Variants in TNS2 observed in about 807,000 individuals in gnomAD.
TNS2 encodes the protein tensin-2.
Under a neutral mutation model 155.7 loss-of-function variants are expected in TNS2, and 77 were observed. The ratio of observed to expected loss-of-function variants is 0.49; its 90% confidence interval spans 0.41 to 0.60. TNS2 has a LOEUF of 0.60. Among genes scored for constraint, TNS2 ranks in the 20% least tolerant of loss-of-function variants. TNS2 has a pLI of 0.00. For missense variants in TNS2, 1,703 were observed against 1,868.8 expected (o/e 0.91, Z 1.64); for synonymous variants, 726 against 763.9 (o/e 0.95, Z 0.82).
chr12:53,063,683 G>C lies in TNS2; in HGVS notation c.4092-61G>C. The C allele has an allele frequency of 1.2e-6, 2 of 1,614,036 alleles. No individual in the cohort carries two copies. The highest frequency in any genetic ancestry group is 1.7e-6 in the Non-Finnish European group (2 of 1,179,976). On this transcript the variant is annotated intron_variant, in intron 28 of 28. Transcript: ENST00000314250. The surrounding 1 kb of genome is among the most constrained non-coding windows in gnomAD (Gnocchi z 5.6). ...CTGGCATTTGATTTGTCTCACCAAG[G>C]CCAGCTACATTCCCTTGTGGAAGGA...
In TNS2 at chr12:53,058,709, C is replaced by A. The variant is rs777761730; in HGVS notation, c.1292-5C>A. ...GCTCCCCAATACCCGAGTGGCCTTCCACAGGCAGCACTCCACGGAACGACC... is the reference window on the plus strand; with the variant it reads ...GCTCCCCAATACCCGAGTGGCCTTCAACAGGCAGCACTCCACGGAACGACC... On this transcript the variant is annotated splice_polypyrimidine_tract_variant and splice_region_variant and intron_variant, in intron 16 of 28. Coordinates refer to ENST00000314250, the MANE Select transcript of TNS2 (RefSeq NM_170754.4). 15 of 1,614,014 alleles carry A rather than the reference C, an allele frequency of 9.3e-6. No individual in the cohort carries two copies. Among genetic ancestry groups the A allele is most frequent in the Non-Finnish European group, 1.2e-5 (14 of 1,179,988 alleles).
chr12:53,063,819 A>G lies in TNS2; in HGVS notation c.4167A>G (p.Pro1389=), dbSNP rs1944462784. The G allele has an allele frequency of 6.2e-7, 1 of 1,614,174 alleles. No individual in the cohort carries two copies. The highest frequency in any genetic ancestry group is 8.5e-7 in the Non-Finnish European group (1 of 1,180,024). The stretch of plus-strand genomic sequence containing the variant: ...GTCACCTCTTTGCAGAGCTTGACCC[A>G]GATCAGCCTGCTGGCGCCATTGTCA... The part of the protein sequence containing the change: ...NVCHLFAELD[P]DQPAGAIVTF... The change falls in exon 29 of 29, where the codon CCA becomes CCG. Residue 1389 remains proline, a synonymous_variant. Transcript: ENST00000314250. This position sits in a 1 kb window ranked among gnomAD's most constrained non-coding sequence, Gnocchi z 5.6.
intron 1 of TNS2, 60 bp from the exon 2 acceptor site, chr12:53,051,795 C>G: frequency 7.4e-7 from 1 of 1,342,546 alleles, no homozygotes. Context: ...CCTGCCCAGT[C>G]CCGGAGATGG....
At chr12:53,054,239 C>T in intron 6 of TNS2, 31 bp from the exon 7 acceptor site, 2 of 1,609,812 alleles carry the variant, frequency 1.2e-6, no homozygotes, top group Non-Finnish European at 1.7e-6. Flanking sequence ...TGCCCCGCCC[C>T]TGCGTTCATG....
At chr12:53,048,126 T>C (rs1943794340), upstream of TNS2, among the ~76,000 whole-genome samples, 1 of 152,162 alleles carries the variant, frequency 6.6e-6, no homozygotes, top group African/African-American at 2.4e-5. Context: ...TCAAGTGAGC[T>C]ACTTTTCCCC....
chr12:53,047,149 G>C (rs1943745746), upstream of TNS2: 1 of 148,102 alleles, frequency 6.8e-6, no homozygotes, highest in African/African-American at 2.5e-5. Flanking sequence ...GGAGCCGGGA[G>C]GGAGGAGGAG....
chr12:53,063,757 G>A lies in TNS2; in HGVS notation c.4105G>A (p.Val1369Met), dbSNP rs373363715. 3.5e-5 allele frequency: 57 copies of A among 1,613,972 alleles called. No individual in the cohort carries two copies. Among genetic ancestry groups the A allele is most frequent in the East Asian group, 8.9e-5 (4 of 44,894 alleles). Reference sequence around the variant, plus strand: ...TTATCCCCCTAGGATCTTTGGTTTCGTGGCCAAGAAGCCGGGAAGCCCCTG... The same window carrying A: ...TTATCCCCCTAGGATCTTTGGTTTCATGGCCAAGAAGCCGGGAAGCCCCTG... ...DGTTSKIFGF[V>M]AKKPGSPWEN... is the part of the protein sequence containing the mutation. The change falls in exon 29 of 29, where the codon GTG becomes ATG. Residue 1369 changes from valine to methionine, a missense_variant. Transcript: ENST00000314250. This position sits in a 1 kb window ranked among gnomAD's most constrained non-coding sequence, Gnocchi z 5.6.
At position 53,061,257 on chromosome 12, in the gene TNS2, A is replaced by C. The variant is rs1162650935; in HGVS notation, c.3351A>C (p.Gln1117His). ...FAPLLSDNVPQTPEPPTQESQ... is the reference protein window; with the variant it reads ...FAPLLSDNVPHTPEPPTQESQ... ...CTCTGCTCTCAGATAATGTCCCCCA[A>C]ACCCCAGGTATAAAGGCCTTGAGGG... is the stretch of plus-strand genomic sequence containing the variant. Residue 1117 changes from glutamine (Q) to histidine (H), a missense_variant, in exon 20 of 29, where the codon CAA (glutamine) becomes CAC (histidine). Physicochemically the swap from Gln to His is conservative, Grantham distance 24 (BLOSUM62 0). Coordinates refer to ENST00000314250, the MANE Select transcript of TNS2 (RefSeq NM_170754.4). The C allele has an allele frequency of 6.4e-7, 1 of 1,570,974 alleles. No homozygotes were observed. Among genetic ancestry groups the C allele is most frequent in the East Asian group, 2.2e-5 (1 of 44,544 alleles).
intron 4 of TNS2, 82 bp from the exon 5 acceptor site, chr12:53,053,692 C>T (rs1565602918): frequency 4.4e-6 from 7 of 1,575,224 alleles, no homozygotes; most frequent in Non-Finnish European, 6.0e-6. Flanking sequence ...CTGACATTCC[C>T]TTCCCCTGTC....
Position 53,059,482 on chromosome 12 carries a change from G to C in TNS2, c.1841G>C (p.Gly614Ala). Residue 614 changes from glycine (G) to alanine (A), a missense_variant, in exon 18 of 29, where the codon GGA becomes GCA. Transcript: ENST00000314250. This position sits in a 1 kb window ranked among gnomAD's most constrained non-coding sequence, Gnocchi z 4.7. ...AATGGGGGCTACTACCGGCCAGAGG[G>C]AACCCTGGAGAGGAGGCGACTGGCC... is the stretch of plus-strand genomic sequence containing the variant. ...VPNGGYYRPE[G>A]TLERRRLAYG... The C allele has an allele frequency of 6.4e-7, 1 of 1,557,466 alleles. No individual in the cohort carries two copies. The highest frequency in any genetic ancestry group is 8.6e-7 in the Non-Finnish European group (1 of 1,156,364).
intron 17 of TNS2, 103 bp downstream of exon 17, chr12:53,058,930 T>G (rs1274784277): frequency 4.5e-6 from 7 of 1,560,580 alleles, no homozygotes; most frequent in Admixed American, 1.7e-5. Context: ...CAGAGCCCAC[T>G]CCCGAGAGAC....
chr12:53,053,396 T>C lies in TNS2; in HGVS notation c.223-15T>C. On this transcript the variant is annotated splice_polypyrimidine_tract_variant and intron_variant, in intron 3 of 28. Transcript: ENST00000314250. The stretch of plus-strand genomic sequence containing the variant: ...CTTCACCAGGAGCTCAGTTCCTTAC[T>C]CGGTCCCCTTCCAGGTGACTTCAGC... The C allele has an allele frequency of 6.2e-7, 1 of 1,613,890 alleles. No homozygotes were observed. Among genetic ancestry groups the C allele is most frequent in the Non-Finnish European group, 8.5e-7 (1 of 1,179,882 alleles).
intron 3 of TNS2, 176 bp from the exon 4 acceptor site, chr12:53,053,226 CCTGGGGGGT>C: frequency 1.5e-6 from 1 of 652,534 alleles, no homozygotes; most frequent in Non-Finnish European, 2.7e-6. Context: ...AAGTGGGGGG[CCTGGGGGGT>C]GGGGGACCAA....
rs909975151 is a variant in TNS2, at chr12:53,059,055, A to G, written c.1414A>G (p.Thr472Ala). 6.5e-7 allele frequency: 1 copy of G among 1,536,004 alleles called. No homozygotes were observed. The highest frequency in any genetic ancestry group is 8.7e-7 in the Non-Finnish European group (1 of 1,143,558). Reference protein sequence around the residue: ...HHEDSVDGSLTHTRGPLDGSP... With the variant: ...HHEDSVDGSLAHTRGPLDGSP... ...TCCTCTTCCCCACTCAGGCTCCTTGACCCACACCCGGGGTCCCCTGGATGG... is the reference window on the plus strand; with the variant it reads ...TCCTCTTCCCCACTCAGGCTCCTTGGCCCACACCCGGGGTCCCCTGGATGG... Residue 472 changes from threonine to alanine, a missense_variant, in exon 18 of 29, where the codon ACC becomes GCC. Physicochemically the swap from Thr to Ala is moderately conservative, Grantham distance 58. Transcript: ENST00000314250. The surrounding 1 kb of genome is among the most constrained non-coding windows in gnomAD (Gnocchi z 4.7).
upstream of TNS2, chr12:53,049,851 AGT>A: frequency 2.6e-6 from 1 of 387,314 alleles, no homozygotes; most frequent in South Asian, 2.2e-5. Flanking sequence ...ATCCCTGGAG[AGT>A]GTGGTGTCCC....
At position 53,062,717 on chromosome 12, in the gene TNS2, T is replaced by C. The variant is rs763127201; in HGVS notation, c.3823+20T>C. The stretch of plus-strand genomic sequence containing the variant: ...GTGCTGGTAGAGACTTCCCCTCCAC[T>C]CCCCTCCCTCTCCCTGGGCACCAAG... On this transcript the variant is annotated intron_variant, in intron 25 of 28. Transcript: ENST00000314250. The C allele has an allele frequency of 6.2e-7, 1 of 1,612,286 alleles. No individual in the cohort carries two copies. Among genetic ancestry groups the C allele is most frequent in the East Asian group, 2.2e-5 (1 of 44,758 alleles).
In TNS2 at chr12:53,058,672, C is replaced by T. The variant is rs368508682; in HGVS notation, c.1291+35C>T. 72 of 1,613,810 alleles carry T rather than the reference C, an allele frequency of 4.5e-5. No individual in the cohort carries two copies. In the African/African-American group the frequency reaches 4.9e-4, roughly 11 times the overall value. On this transcript the variant is annotated intron_variant, in intron 16 of 28. Coordinates refer to ENST00000314250, the MANE Select transcript of TNS2 (RefSeq NM_170754.4). ...GGGACATGGGCTGGGGACTGAGGGCCGCCTCTCCCCTGCTCCCCAATACCC... is the reference window on the plus strand; with the variant it reads ...GGGACATGGGCTGGGGACTGAGGGCTGCCTCTCCCCTGCTCCCCAATACCC...
rs761306425 is a variant in TNS2 at position 53,062,421 on chromosome 12, C to T, written c.3713C>T (p.Ser1238Phe). ...LVSQHSISPI[S>F]LPCCLRIPSK... ...TCCCAGCACTCCATCTCCCCCATCT[C>T]CCTGCCCTGCTGCCTGCGCATTCCC... Residue 1238 changes from serine to phenylalanine, a missense_variant, in exon 24 of 29, where the codon TCC becomes TTC. Ser to Phe is a radical substitution (Grantham distance 155). Coordinates refer to ENST00000314250, the MANE Select transcript of TNS2 (RefSeq NM_170754.4). 1.2e-6 allele frequency: 2 copies of T among 1,613,902 alleles called. No individual in the cohort carries two copies. Among genetic ancestry groups the T allele is most frequent in the Non-Finnish European group, 8.5e-7 (1 of 1,179,984 alleles).
At chr12:53,049,691 G>A (rs566853657), upstream of TNS2, among the ~76,000 whole-genome samples, 1 of 152,148 alleles carries the variant, frequency 6.6e-6, no homozygotes, top group East Asian at 1.9e-4. Flanking sequence ...CCTCCCCAGC[G>A]GAAGTCCCTC....
Sources: gnomAD v4.1 joint callset for allele counts (sites outside exome capture counted in the v4.1 genomes callset) on GRCh38, gnomAD v4.1.1 for gene constraint, Gnocchi (gnomAD v3.1) non-coding constraint, MANE v1.5 for transcripts, NCBI Gene and HGNC (gene_info 2026-07-23, HGNC 2026-07-21) for gene names.